TMC7: variants seen among roughly 807,000 people sequenced by gnomAD.
TMC7 encodes the protein transmembrane channel-like protein 7.
In TMC7, 54 loss-of-function variants were observed where a neutral mutation model predicts 82.9. That is an observed-to-expected ratio of 0.65 (90% CI 0.52 to 0.82). TMC7 has a LOEUF of 0.82. TMC7 is among the 40% of genes least tolerant of loss of function. The pLI is 0.00. For missense variants in TMC7, 820 were observed against 901.2 expected, an observed-to-expected ratio of 0.91 and a Z score of 1.15; for synonymous variants, 350 against 337.9, an observed-to-expected ratio of 1.04 and a Z score of -0.39.
intron 9 of TMC7, among the ~76,000 whole-genome samples, chr16:19,041,031 C>T (rs1355109319): frequency 6.6e-6 from 1 of 151,742 alleles, no homozygotes; most frequent in Non-Finnish European, 1.5e-5. Context: ...GCTGGGACTA[C>T]AGACATGCAC....
chr16:19,059,253 C>T (rs529459037), intron 14 of TMC7, among the ~76,000 whole-genome samples, 163 bp from the exon 15 acceptor site: 1 of 152,194 alleles, frequency 6.6e-6, no homozygotes, highest in Non-Finnish European at 1.5e-5. Flanking sequence ...TTAAGTGATC[C>T]TTCTGCCTGG....
intron 1 of TMC7, among the ~76,000 whole-genome samples, chr16:19,004,982 C>G (rs1406937653): frequency 6.6e-6 from 1 of 151,898 alleles, no homozygotes; most frequent in East Asian, 1.9e-4. Flanking sequence ...GAGACCACAC[C>G]AGCACAATGG....
At chr16:19,028,795 A>G (rs1346662189) in intron 5 of TMC7, among the ~76,000 whole-genome samples, 1 of 151,668 alleles carries the variant, frequency 6.6e-6, no homozygotes, top group Non-Finnish European at 1.5e-5. Flanking sequence ...AGATGGGACT[A>G]CAGGCACATG....
Position 19,044,768 on chromosome 16 carries a change from CAAAAAAA to C in TMC7, c.1338-97_1338-91del, listed in dbSNP as rs1165792461. 1,146 of 292,770 alleles carry C rather than the reference CAAAAAAA, an allele frequency of 3.9e-3. 10 individuals carry two copies. The African/African-American group carries it at 0.046, about 12-fold the overall frequency. The allele number at this position is 292,770 out of a possible 1,614,324, so 18.1% of individuals were successfully genotyped here. ...GGGCAACAGAGCAAACACTCCATCTCAAAAAAAAAAAAAAAAAAAAAAAAAGGCAGCT... is the reference window on the plus strand; with the variant it reads ...GGGCAACAGAGCAAACACTCCATCTCAAAAAAAAAAAAAAAAAAGGCAGCT... On this transcript the variant is annotated intron_variant, in intron 9 of 15. Transcript: ENST00000304381.
chr16:19,017,360 G>A (rs187668648), intron 3 of TMC7, among the ~76,000 whole-genome samples: 1 of 147,906 alleles, frequency 6.8e-6, no homozygotes, highest in Admixed American at 6.8e-5. Context: ...TAAATTAAAT[G>A]CATAAAATAG....
intron 1 of TMC7, among the ~76,000 whole-genome samples, chr16:18,994,224 A>T (rs1027133211): frequency 7.2e-5 from 11 of 152,132 alleles, no homozygotes; most frequent in African/African-American, 2.7e-4. Context: ...TTTGAAAGTT[A>T]TGAGAACTGT....
At chr16:19,023,364 G>A (rs533002637) in intron 5 of TMC7, among the ~76,000 whole-genome samples, 169 bp downstream of exon 5, 4 of 152,178 alleles carry the variant, frequency 2.6e-5, no homozygotes, top group Non-Finnish European at 5.9e-5. Context: ...AAAGAACAAT[G>A]TTCACCATCG....
intron 6 of TMC7, among the ~76,000 whole-genome samples, chr16:19,031,222 G>T (rs1054021829): frequency 6.6e-6 from 1 of 152,182 alleles, no homozygotes; most frequent in African/African-American, 2.4e-5. Context: ...GAAATCCTTA[G>T]AAAAGACTTG....
chr16:19,048,077 T>G, intron 12 of TMC7, among the ~76,000 whole-genome samples: 1 of 152,112 alleles, frequency 6.6e-6, no homozygotes, highest in Non-Finnish European at 1.5e-5. Context: ...GGATGTATTT[T>G]GTAATTTTCT....
intron 1 of TMC7, among the ~76,000 whole-genome samples, chr16:18,984,834 C>G (rs1307789019): frequency 6.6e-6 from 1 of 152,158 alleles, no homozygotes; most frequent in Non-Finnish European, 1.5e-5. Flanking sequence ...AAAAAAGTTG[C>G]CAGCACTCAG....
At chr16:19,026,017 C>A (rs1294961378) in intron 5 of TMC7, among the ~76,000 whole-genome samples, 1 of 151,916 alleles carries the variant, frequency 6.6e-6, no homozygotes, top group African/African-American at 2.4e-5. Context: ...CTCAAGCAAT[C>A]CACCTGTCTC....
intron 1 of TMC7, among the ~76,000 whole-genome samples, chr16:18,992,955 A>G (rs974904362): frequency 3.9e-5 from 6 of 152,180 alleles, no homozygotes; most frequent in Admixed American, 1.3e-4. Context: ...CTATTGGTCT[A>G]TATCTCTTTT....
chr16:19,018,015 A>C (rs767737535), intron 3 of TMC7, among the ~76,000 whole-genome samples: 1 of 151,978 alleles, frequency 6.6e-6, no homozygotes, highest in Non-Finnish European at 1.5e-5. Flanking sequence ...CTATATGCCC[A>C]TAGTCCCAGC....
At chr16:19,017,667 GTTTTTT>G (rs35738895) in intron 3 of TMC7, among the ~76,000 whole-genome samples, 1 of 111,114 alleles carries the variant, frequency 9.0e-6, no homozygotes, top group Admixed American at 1.1e-4. Flanking sequence ...TCAAAAAACA[GTTTTTT>G]TTTTTTTTTT....
chr16:19,035,788 G>T lies in TMC7; in HGVS notation c.970G>T (p.Asp324Tyr), dbSNP rs770695899. 1.2e-6 allele frequency: 2 copies of T among 1,608,188 alleles called. No individual in the cohort carries two copies. Among genetic ancestry groups the T allele is most frequent in the Non-Finnish European group, 1.7e-6 (2 of 1,176,948 alleles). ...DFCITNRSMA[D>Y]LKHSSLRYEL... is the part of the protein sequence containing the mutation. ...CTGCATCACTAACCGCAGCATGGCGGATCTGAAGCACAGCAGCTTGCGGTA... is the reference window on the plus strand; with the variant it reads ...CTGCATCACTAACCGCAGCATGGCGTATCTGAAGCACAGCAGCTTGCGGTA... Residue 324 changes from aspartate to tyrosine, a missense_variant, in exon 7 of 16, where the codon GAT becomes TAT. By Grantham distance (160) the Asp-to-Tyr change is radical. Around this residue, in one of 2 missense-constraint regions of TMC7, gnomAD observed 650 missense variants for 669.9 expected, o/e 0.97. Coordinates refer to ENST00000304381, the MANE Select transcript of TMC7 (RefSeq NM_024847.4).
At chr16:19,023,497 A>G (rs752398327) in intron 5 of TMC7, among the ~76,000 whole-genome samples, 25 of 152,064 alleles carry the variant, frequency 1.6e-4, no homozygotes, top group Admixed American at 2.6e-4. Context: ...CCCAGGCTGG[A>G]GTGCAGTGGT....
intron 6 of TMC7, among the ~76,000 whole-genome samples, chr16:19,034,030 G>A (rs1960631730): frequency 6.6e-6 from 1 of 152,160 alleles, no homozygotes; most frequent in African/African-American, 2.4e-5. Flanking sequence ...AGTGCCAGGT[G>A]TATTTTTTCC....
At chr16:19,046,832 CAAAA>C (rs34279699) in intron 11 of TMC7, among the ~76,000 whole-genome samples, 1 of 124,008 alleles carries the variant, frequency 8.1e-6, no homozygotes. Flanking sequence ...GACCTTGTCT[CAAAA>C]AAAAAAAAAA....
chr16:18,996,926 G>A (rs961023297), intron 1 of TMC7, among the ~76,000 whole-genome samples: 6 of 152,214 alleles, frequency 3.9e-5, no homozygotes, highest in Admixed American at 6.5e-5. Context: ...GACTAGCGCC[G>A]GAGTTTTGGG....
Sources: gnomAD v4.1 joint callset for allele counts (sites outside exome capture counted in the v4.1 genomes callset) on GRCh38, gnomAD v4.1.1 for gene constraint, gnomAD v4.1.1 regional missense constraint, MANE v1.5 for transcripts, NCBI Gene and HGNC (gene_info 2026-07-23, HGNC 2026-07-21) for gene names.